WDR20: variants seen among roughly 807,000 people sequenced by gnomAD.
The protein encoded by WDR20 is WD repeat domain 20, also known as WD repeat-containing protein 20.
Under a neutral mutation model 38.7 loss-of-function variants are expected in WDR20, and 3 were observed. That is an observed-to-expected ratio of 0.08 (90% CI 0.04 to 0.20). The LOEUF is 0.20. Ranked by LOEUF, WDR20 falls within the 10% of genes least tolerant of loss-of-function variation. The pLI is 1.00. For synonymous variants in WDR20, 298 were observed against 285.6 expected (o/e 1.04, Z -0.44); for missense variants, 559 against 727.7 (o/e 0.77, Z 2.67).
At chr14:102,202,475 A>G (rs1189097437) in intron 2 of WDR20, among the ~76,000 whole-genome samples, 3 of 137,688 alleles carry the variant, frequency 2.2e-5, no homozygotes, top group East Asian at 4.4e-4. Context: ...CTGCCTCCCG[A>G]GTTCACACCA....
intron 1 of WDR20, among the ~76,000 whole-genome samples, chr14:102,194,498 A>G (rs1359524766): frequency 2.6e-5 from 4 of 152,116 alleles, no homozygotes; most frequent in Non-Finnish European, 5.9e-5. Flanking sequence ...TGGTTTGGGG[A>G]TTACACTTTG....
At chr14:102,211,391 A>AGC (rs201634830), downstream of WDR20, among the ~76,000 whole-genome samples, 700 of 151,736 alleles carry the variant, frequency 4.6e-3, 6 homozygotes, top group African/African-American at 0.016. This position sits in a 1 kb window ranked among gnomAD's most constrained non-coding sequence, Gnocchi z 4.2. Context: ...CTCCCAGGAA[A>AGC]GCCGGGCCAG....
At chr14:102,204,696 G>A (rs546506398) in intron 2 of WDR20, among the ~76,000 whole-genome samples, 5 of 152,270 alleles carry the variant, frequency 3.3e-5, no homozygotes, top group East Asian at 1.9e-4. Context: ...TTTTCCATGC[G>A]AGGCAATTTG....
At chr14:102,194,087 A>C (rs1057384701) in intron 1 of WDR20, among the ~76,000 whole-genome samples, 2 of 152,182 alleles carry the variant, frequency 1.3e-5, no homozygotes, top group South Asian at 2.1e-4. Flanking sequence ...CTGGGTTCCA[A>C]ATCCAGCCCT....
intron 1 of WDR20, among the ~76,000 whole-genome samples, chr14:102,157,079 CTG>C (rs1475806693): frequency 6.6e-6 from 1 of 151,850 alleles, no homozygotes; most frequent in Non-Finnish European, 1.5e-5. Context: ...CTGGGCAACA[CTG>C]TGAGACCCCC....
rs118102007 is a variant in WDR20 at position 102,207,768 on chromosome 14, G to C, written c.433-835G>C. Among the ~76,000 whole-genome samples, 307 of 152,330 alleles carry C rather than the reference G, an allele frequency of 2.0e-3. No homozygotes were observed. The highest frequency in any genetic ancestry group is 3.4e-3 in the Middle Eastern group (1 of 294). On this transcript the variant is annotated intron_variant, in intron 2 of 2. Coordinates refer to ENST00000342702, the MANE Select transcript of WDR20 (RefSeq NM_144574.4). This position sits in a 1 kb window ranked among gnomAD's most constrained non-coding sequence, Gnocchi z 5.0. ...GCAGGGAAAGAGACTTGTGCCTTTG[G>C]TGGGGCAGGTATTTTTGCCCTTCGT...
chr14:102,148,420 G>A (rs916704126), intron 1 of WDR20, among the ~76,000 whole-genome samples: 1 of 151,830 alleles, frequency 6.6e-6, no homozygotes, highest in Non-Finnish European at 1.5e-5. Flanking sequence ...CACGCCTGTG[G>A]CCCCAGCTAT....
At chr14:102,148,803 C>G (rs1222843860) in intron 1 of WDR20, among the ~76,000 whole-genome samples, 2 of 151,306 alleles carry the variant, frequency 1.3e-5, no homozygotes, top group African/African-American at 4.9e-5. Flanking sequence ...AGTGATCCTC[C>G]CGCCTCAGCC....
intron 1 of WDR20, among the ~76,000 whole-genome samples, chr14:102,158,289 C>T (rs950071236): frequency 6.6e-6 from 1 of 152,124 alleles, no homozygotes; most frequent in African/African-American, 2.4e-5. Context: ...CTGACCCCAC[C>T]CTTCTAGATG....
rs745910352 is a variant in WDR20 at position 102,222,899 on chromosome 14, G to A, written c.*16G>A. 17 of 1,613,968 alleles carry A rather than the reference G, an allele frequency of 1.1e-5. No individual in the cohort carries two copies. The highest frequency in any genetic ancestry group is 4.5e-5 in the East Asian group (2 of 44,894). On this transcript the variant is annotated 3_prime_UTR_variant, in exon 4 of 4. Transcript: ENST00000335263. This position sits in a 1 kb window ranked among gnomAD's most constrained non-coding sequence, Gnocchi z 4.4. Reference sequence around the variant, plus strand: ...TGTAGTGTAGCGACCTCACTGCTGCGCGCACAGTCTCCCGGGACTTGGACT... The same window carrying A: ...TGTAGTGTAGCGACCTCACTGCTGCACGCACAGTCTCCCGGGACTTGGACT...
At chr14:102,165,383 C>A (rs1367446634) in intron 1 of WDR20, among the ~76,000 whole-genome samples, 1 of 152,084 alleles carries the variant, frequency 6.6e-6, no homozygotes, top group African/African-American at 2.4e-5. Context: ...CAGCTAGTAT[C>A]TGCTTTCTGT....
At chr14:102,172,510 G>T (rs1186678588) in intron 1 of WDR20, among the ~76,000 whole-genome samples, 3 of 148,072 alleles carry the variant, frequency 2.0e-5, no homozygotes, top group South Asian at 4.3e-4. Flanking sequence ...CTCACCTCCC[G>T]GACGGGGCGG....
Position 102,168,625 on chromosome 14 carries a change from T to G in WDR20, c.250-26313T>G, listed in dbSNP as rs138374643. Among the ~76,000 whole-genome samples, 572 of 152,242 alleles carry G rather than the reference T, an allele frequency of 3.8e-3. 16 individuals carry two copies. Among genetic ancestry groups the G allele is most frequent in the East Asian group, 0.027 (138 of 5,176 alleles). ...ATGGTGTTCATAACCTGTTTTAGAG[T>G]AGTTGAACTTTATATGAAGGTGTGA... On this transcript the variant is annotated intron_variant, in intron 1 of 2. Coordinates refer to ENST00000342702, the MANE Select transcript of WDR20 (RefSeq NM_144574.4).
At position 102,209,102 on chromosome 14, in the gene WDR20, C is replaced by A; in HGVS notation, c.932C>A (p.Ala311Glu). The change falls in exon 3 of 3, where the codon GCG (alanine) becomes GAG (glutamate). Residue 311 changes from alanine (A) to glutamate (E), a missense_variant. Ala to Glu is a moderately radical substitution (Grantham distance 107). Transcript: ENST00000342702. The surrounding 1 kb of genome is among the most constrained non-coding windows in gnomAD (Gnocchi z 6.0). ...HGHKSWVSVVAFDPYTTSVEE... is the reference protein window; with the variant it reads ...HGHKSWVSVVEFDPYTTSVEE... ...CACAAGTCCTGGGTCAGTGTTGTAG[C>A]GTTTGACCCTTATACCACTAGTGTA... 1 of 1,614,108 alleles carries A rather than the reference C, an allele frequency of 6.2e-7. No individual in the cohort carries two copies. The highest frequency in any genetic ancestry group is 8.5e-7 in the Non-Finnish European group (1 of 1,180,032).
rs574982840 is a variant in WDR20 at position 102,209,352 on chromosome 14, C to A, written c.1182C>A (p.Leu394=). 1.2e-6 allele frequency: 2 copies of A among 1,614,200 alleles called. No homozygotes were observed. The highest frequency in any genetic ancestry group is 1.7e-6 in the Non-Finnish European group (2 of 1,180,056). Residue 394 remains leucine (L), a synonymous_variant, in exon 3 of 3, where the codon CTC becomes CTA. Transcript: ENST00000342702. The surrounding 1 kb of genome is among the most constrained non-coding windows in gnomAD (Gnocchi z 6.0). ...TEDILFPHQP[L]SRARTHTNVM... is the part of the protein sequence containing the mutation. Reference sequence around the variant, plus strand: ...ATATCCTTTTCCCTCACCAACCCCTCTCAAGAGCAAGGACACACACAAATG... The same window carrying A: ...ATATCCTTTTCCCTCACCAACCCCTATCAAGAGCAAGGACACACACAAATG...
chr14:102,221,062 A>ACGTG lies in WDR20; in HGVS notation c.1693-1766_1693-1763dup, dbSNP rs1311785027. On this transcript the variant is annotated intron_variant, in intron 3 of 3. Coordinates refer to the WDR20 transcript ENST00000335263. The surrounding 1 kb of genome is among the most constrained non-coding windows in gnomAD (Gnocchi z 4.8). ...CTGTCACTTGTTTTTAAGTTGTTAA[A>ACGTG]CGTGCTCCCGGGAAGCTAAACTTAA... Among the ~76,000 whole-genome samples the ACGTG allele has an allele frequency of 1.3e-5, 2 of 152,170 alleles. No homozygotes were observed. The highest frequency in any genetic ancestry group is 4.8e-5 in the African/African-American group (2 of 41,436).
At chr14:102,174,242 C>T (rs1261643662) in intron 1 of WDR20, among the ~76,000 whole-genome samples, 1 of 151,964 alleles carries the variant, frequency 6.6e-6, no homozygotes, top group African/African-American at 2.4e-5. Context: ...GACTTCTTTT[C>T]CTCTGGGTAG....
intron 1 of WDR20, among the ~76,000 whole-genome samples, chr14:102,152,758 C>T (rs1305051492): frequency 6.6e-6 from 1 of 152,084 alleles, no homozygotes; most frequent in African/African-American, 2.4e-5. Context: ...ATAAAGTAGA[C>T]ACTATTAGTA....
At chr14:102,193,522 T>C (rs757363210) in intron 1 of WDR20, 40 of 1,612,906 alleles carry the variant, frequency 2.5e-5, no homozygotes, top group Non-Finnish European at 3.2e-5. Context: ...GAGGTGAGGC[T>C]GGGAGAGTGT....
Sources: gnomAD v4.1 joint callset for allele counts (sites outside exome capture counted in the v4.1 genomes callset) on GRCh38, gnomAD v4.1.1 for gene constraint, Gnocchi (gnomAD v3.1) non-coding constraint, MANE v1.5 for transcripts, NCBI Gene and HGNC (gene_info 2026-07-23, HGNC 2026-07-21) for gene names.